The following GRK3 variants were observed in gnomAD, a reference collection of about 807,000 sequenced individuals.
GRK3 encodes the protein adrenergic, beta, receptor kinase 2.
Under a neutral mutation model 95.7 loss-of-function variants are expected in GRK3, and 54 were observed. The observed-to-expected ratio is 0.56, with a 90% CI of 0.45 to 0.71. The LOEUF is 0.71. GRK3 is among the 30% of genes least tolerant of loss of function. The probability of loss-of-function intolerance (pLI) is 0.00; values close to 1 mark genes in which losing one functional copy is unlikely to be tolerated. For missense variants in GRK3, 649 were observed against 851.2 expected (o/e 0.76, Z 2.96); for synonymous variants, 281 against 290.8 (o/e 0.97, Z 0.34).
In GRK3 at chr22:25,728,336, A is replaced by T. The variant is rs2085490694; in HGVS notation, c.*5886A>T. The T allele has an allele frequency of 6.6e-6, 1 of 152,220 alleles. No homozygotes were observed. The highest frequency in any genetic ancestry group is 1.5e-5 in the Non-Finnish European group (1 of 68,056). The allele number at this position is 152,220 out of a possible 1,614,324, so 9.4% of individuals were successfully genotyped here. A position where few individuals can be genotyped will look rare whatever the true frequency, so the allele number is the denominator to read the frequency against. ...TCTTCAGAAGGCTTCTTGCTTGTTG[A>T]CAAGTACCGCAAAGGCTTTATTCTG... is the stretch of plus-strand genomic sequence containing the variant. On this transcript the variant is annotated 3_prime_UTR_variant, in exon 21 of 21. Transcript: ENST00000324198.
intron 2 of GRK3, among the ~76,000 whole-genome samples, chr22:25,609,396 A>G (rs1325985957): frequency 2.6e-5 from 4 of 151,762 alleles, no homozygotes; most frequent in African/African-American, 9.7e-5. Context: ...CAGTGGTACA[A>G]TCTTGGCTCA....
At chr22:25,678,532 G>T (rs1196652582) in intron 8 of GRK3, among the ~76,000 whole-genome samples, 7 of 152,042 alleles carry the variant, frequency 4.6e-5, no homozygotes, top group Admixed American at 1.3e-4. Context: ...ATATACATAT[G>T]CCCTTATTAG....
Position 25,615,164 on chromosome 22 carries a change from G to A in GRK3, c.190+10711G>A, listed in dbSNP as rs185385989. Among the ~76,000 whole-genome samples, 31 of 152,282 alleles carry A rather than the reference G, an allele frequency of 2.0e-4. No individual in the cohort carries two copies. In the East Asian group the frequency reaches 5.6e-3, roughly 27 times the overall value. On this transcript the variant is annotated intron_variant, in intron 2 of 20. Coordinates refer to ENST00000324198, the MANE Select transcript of GRK3 (RefSeq NM_005160.4). ...CCTTGCTGATCAGCCAGCCTCTGCA[G>A]CTAAACTCAACTTTGTAGCTCTCTC...
chr22:25,704,414 CTTTA>C (rs2085283790), intron 15 of GRK3, among the ~76,000 whole-genome samples: 1 of 152,048 alleles, frequency 6.6e-6, no homozygotes, highest in African/African-American at 2.4e-5. Context: ...CACTTTTTTA[CTTTA>C]TTTATTTTTG....
At chr22:25,605,519 G>A (rs2146341278) in intron 2 of GRK3, among the ~76,000 whole-genome samples, 1 of 152,148 alleles carries the variant, frequency 6.6e-6, no homozygotes, top group Middle Eastern at 3.4e-3. Flanking sequence ...AGGGAAAAAG[G>A]AATTATCTTT....
At chr22:25,639,825 T>G (rs2084729984) in intron 2 of GRK3, among the ~76,000 whole-genome samples, 2 of 152,192 alleles carry the variant, frequency 1.3e-5, no homozygotes, top group Non-Finnish European at 2.9e-5. Context: ...TTTATTTAGA[T>G]CTTCTTTAAT....
At chr22:25,702,957 A>G (rs1012678026) in intron 13 of GRK3, 9 of 451,222 alleles carry the variant, frequency 2.0e-5, no homozygotes, top group African/African-American at 1.8e-4. Flanking sequence ...GAAAACAGGA[A>G]GCGCTCAGAG....
intron 2 of GRK3, among the ~76,000 whole-genome samples, chr22:25,619,613 A>G (rs2084565786): frequency 6.7e-6 from 1 of 148,980 alleles, no homozygotes; most frequent in Non-Finnish European, 1.5e-5. Context: ...CCTCCAGGGT[A>G]GCTAGGACTA....
At chr22:25,578,847 G>A (rs977246105) in intron 1 of GRK3, among the ~76,000 whole-genome samples, 10 of 152,120 alleles carry the variant, frequency 6.6e-5, no homozygotes, top group African/African-American at 2.4e-4. Flanking sequence ...CTGCAGATCT[G>A]TAAGAGAGTC....
chr22:25,632,497 T>C (rs1398435132), intron 2 of GRK3, among the ~76,000 whole-genome samples: 2 of 152,234 alleles, frequency 1.3e-5, no homozygotes, highest in Non-Finnish European at 2.9e-5. Flanking sequence ...CTTTGCATTT[T>C]CTTAAGCATG....
intron 1 of GRK3, among the ~76,000 whole-genome samples, chr22:25,587,198 C>A (rs1390459426): frequency 6.6e-5 from 10 of 152,018 alleles, no homozygotes; most frequent in Admixed American, 6.6e-4. Context: ...GTGGCCCTTG[C>A]AGTCTTTTAA....
intron 1 of GRK3, among the ~76,000 whole-genome samples, chr22:25,575,939 A>T (rs946592778): frequency 6.6e-6 from 1 of 152,226 alleles, no homozygotes; most frequent in African/African-American, 2.4e-5. Flanking sequence ...AAACTCACAT[A>T]ATCAGCCAAG....
chr22:25,632,082 A>AGTGGG (rs1339824253), intron 2 of GRK3, among the ~76,000 whole-genome samples: 19 of 152,246 alleles, frequency 1.2e-4, no homozygotes, highest in Admixed American at 3.3e-4. Flanking sequence ...AATACTTAGG[A>AGTGGG]GTGGGATTAT....
At chr22:25,601,809 G>A (rs957215011) in intron 1 of GRK3, among the ~76,000 whole-genome samples, 1 of 152,142 alleles carries the variant, frequency 6.6e-6, no homozygotes, top group African/African-American at 2.4e-5. Context: ...TTTCTACCTT[G>A]TACTCTACAC....
chr22:25,699,118 G>A (rs2085235188), intron 13 of GRK3, among the ~76,000 whole-genome samples: 1 of 152,162 alleles, frequency 6.6e-6, no homozygotes, highest in Non-Finnish European at 1.5e-5. Flanking sequence ...ACTGTGTGCA[G>A]GAGCCCTCAC....
intron 1 of GRK3, among the ~76,000 whole-genome samples, chr22:25,587,995 C>A (rs573989119): frequency 6.6e-6 from 1 of 152,278 alleles, no homozygotes; most frequent in East Asian, 1.9e-4. Context: ...AATGGAGTTT[C>A]ACCATGTTGC....
At chr22:25,654,410 T>A (rs2084855773) in intron 3 of GRK3, among the ~76,000 whole-genome samples, 1 of 152,178 alleles carries the variant, frequency 6.6e-6, no homozygotes, top group African/African-American at 2.4e-5. Flanking sequence ...AAAATATACA[T>A]AAAAATATAC....
chr22:25,663,049 G>A (rs2084919651), intron 4 of GRK3, among the ~76,000 whole-genome samples: 1 of 151,902 alleles, frequency 6.6e-6, no homozygotes, highest in Non-Finnish European at 1.5e-5. Context: ...TCTCTTATTT[G>A]ATGGAAATTT....
chr22:25,677,359 G>C (rs1255932606), intron 8 of GRK3, among the ~76,000 whole-genome samples: 2 of 80,958 alleles, frequency 2.5e-5, no homozygotes, highest in Non-Finnish European at 4.4e-5. Context: ...CTGGGCAACA[G>C]AATGAGACCC....
Sources: allele counts gnomAD v4.1 joint callset (sites outside exome capture counted in the v4.1 genomes callset), GRCh38; gene constraint gnomAD v4.1.1; transcripts MANE v1.5; gene names NCBI Gene and HGNC (gene_info 2026-07-23, HGNC 2026-07-21).